Variants in AUTS2 observed in about 807,000 individuals in gnomAD.
AUTS2 encodes the protein activator of transcription and developmental regulator AUTS2.
In AUTS2, 17 loss-of-function variants were observed where a neutral mutation model predicts 112.4. The observed-to-expected ratio is 0.15, with a 90% CI of 0.10 to 0.23. AUTS2 has a LOEUF of 0.23. AUTS2 is among the 10% of genes least tolerant of loss of function. The pLI, the probability that AUTS2 is intolerant of heterozygous loss-of-function variation, is 1.00. For synonymous variants in AUTS2, 751 were observed against 702.7 expected (o/e 1.07, Z -1.09); for missense variants, 1,510 against 1,701.6 (o/e 0.89, Z 1.98).
chr7:70,142,038 A>G (rs1403660536), intron 4 of AUTS2, among the ~76,000 whole-genome samples: 1 of 152,216 alleles, frequency 6.6e-6, no homozygotes, highest in African/African-American at 2.4e-5. Flanking sequence ...AGTTGCAACC[A>G]ATAATTTTAA....
chr7:70,130,207 C>A (rs903444304), intron 3 of AUTS2, among the ~76,000 whole-genome samples: 6 of 152,134 alleles, frequency 3.9e-5, no homozygotes, highest in Non-Finnish European at 5.9e-5. Context: ...GGTCAGAACA[C>A]ACATTCTCAC....
At chr7:69,614,618 G>A (rs961439875) in intron 1 of AUTS2, among the ~76,000 whole-genome samples, 1 of 151,916 alleles carries the variant, frequency 6.6e-6, no homozygotes, top group African/African-American at 2.4e-5. Context: ...CCAGGTAGCT[G>A]GGACTGCAGG....
chr7:69,873,193 G>T (rs1793582049), intron 1 of AUTS2, among the ~76,000 whole-genome samples: 2 of 152,050 alleles, frequency 1.3e-5, no homozygotes, highest in Non-Finnish European at 2.9e-5. Flanking sequence ...AATGTTCCAG[G>T]ATTTATAAGT....
At chr7:69,997,961 C>T (rs892681381) in intron 2 of AUTS2, among the ~76,000 whole-genome samples, 1 of 152,162 alleles carries the variant, frequency 6.6e-6, no homozygotes, top group Non-Finnish European at 1.5e-5. Context: ...GCTTTGAATG[C>T]ATTGGAAAGC....
chr7:70,108,117 T>G (rs1317154824), intron 2 of AUTS2, among the ~76,000 whole-genome samples: 3 of 152,132 alleles, frequency 2.0e-5, no homozygotes, highest in Non-Finnish European at 2.9e-5. Flanking sequence ...ATAAGTTTAG[T>G]GACATATAGT....
intron 1 of AUTS2, among the ~76,000 whole-genome samples, chr7:69,821,721 A>C (rs1236017174): frequency 6.6e-6 from 1 of 151,942 alleles, no homozygotes; most frequent in Non-Finnish European, 1.5e-5. Context: ...TGTAACATTC[A>C]CCTTGACGTC....
chr7:70,413,750 T>A (rs73175910), intron 4 of AUTS2, among the ~76,000 whole-genome samples: 9,962 of 152,160 alleles, frequency 0.065, 376 homozygotes, highest in African/African-American at 0.11. Context: ...TGATCTCAGT[T>A]TACTGCAGCC....
chr7:70,468,940 G>GACCAAGTT (rs1797270257), intron 5 of AUTS2, among the ~76,000 whole-genome samples: 1 of 152,216 alleles, frequency 6.6e-6, no homozygotes, highest in Non-Finnish European at 1.5e-5. Context: ...TTGTTGAACT[G>GACCAAGTT]ACCAAGTTGA....
At chr7:70,263,601 A>G (rs759781149) in intron 4 of AUTS2, among the ~76,000 whole-genome samples, 9 of 152,178 alleles carry the variant, frequency 5.9e-5, no homozygotes, top group Non-Finnish European at 1.3e-4. Flanking sequence ...AAACTTTATT[A>G]CTTTGTGCTT....
chr7:69,710,176 A>G (rs1413540235), intron 1 of AUTS2, among the ~76,000 whole-genome samples: 2 of 152,080 alleles, frequency 1.3e-5, no homozygotes, highest in Non-Finnish European at 2.9e-5. Flanking sequence ...TATCTCTTGT[A>G]TATACTTTAC....
intron 4 of AUTS2, among the ~76,000 whole-genome samples, chr7:70,136,806 T>A (rs1237869938): frequency 6.6e-6 from 1 of 152,210 alleles, no homozygotes; most frequent in East Asian, 1.9e-4. Context: ...GAAGGCACTT[T>A]TAACAATCTA....
At chr7:70,369,834 TG>T (rs1298430180) in intron 4 of AUTS2, among the ~76,000 whole-genome samples, 8 of 152,158 alleles carry the variant, frequency 5.3e-5, no homozygotes, top group Admixed American at 5.2e-4. Context: ...CCATACGACT[TG>T]AATGACTTCC....
chr7:69,728,620 A>G (rs1439821208), intron 1 of AUTS2, among the ~76,000 whole-genome samples: 2 of 151,962 alleles, frequency 1.3e-5, no homozygotes, highest in East Asian at 3.9e-4. Context: ...AGTTACGCTC[A>G]AGTAATATGT....
rs371960690 is a variant in AUTS2 at position 70,745,993 on chromosome 7, AATT to A, written c.743-16871_743-16869del. ...TAAAGGAACTTGCTTAGATTTTGTA[AATT>A]ATTATGTGGTTAAAGAAATCAACGA... On this transcript the variant is annotated intron_variant, in intron 6 of 18. Transcript: ENST00000342771. 2.8e-4 allele frequency among the ~76,000 whole-genome samples: 42 copies of A among 152,218 alleles called. 1 individual carries two copies. In the South Asian group the frequency reaches 7.9e-3, roughly 29 times the overall value.
At chr7:70,600,035 A>G (rs192941555) in intron 5 of AUTS2, among the ~76,000 whole-genome samples, 51 of 152,264 alleles carry the variant, frequency 3.3e-4, no homozygotes, top group Admixed American at 3.1e-3. Context: ...CCTGAGCCCC[A>G]CCCACAGCTA....
intron 2 of AUTS2, among the ~76,000 whole-genome samples, chr7:69,948,731 T>G (rs534257100): frequency 6.6e-6 from 1 of 152,192 alleles, no homozygotes; most frequent in South Asian, 2.1e-4. Flanking sequence ...TGTGGTAAGA[T>G]GTGTTAATAG....
At chr7:69,685,970 G>A (rs2068718) in intron 1 of AUTS2, among the ~76,000 whole-genome samples, 11,550 of 152,096 alleles carry the variant, frequency 0.076, 592 homozygotes, top group African/African-American at 0.14. Context: ...CATGAAGGCC[G>A]TGTGGGTAAG....
chr7:70,351,777 CT>C (rs35789493), intron 4 of AUTS2, among the ~76,000 whole-genome samples: 43,930 of 151,662 alleles, frequency 0.29, 6,650 homozygotes, highest in African/African-American at 0.38. Context: ...TCTCGGCTTA[CT>C]GCAAACTCCG....
chr7:69,716,531 G>C (rs1198410991), intron 1 of AUTS2, among the ~76,000 whole-genome samples: 1 of 152,088 alleles, frequency 6.6e-6, no homozygotes, highest in Non-Finnish European at 1.5e-5. Context: ...CACTAGATGT[G>C]TGGTGGATTT....
Sources: allele counts gnomAD v4.1 joint callset (sites outside exome capture counted in the v4.1 genomes callset), GRCh38; gene constraint gnomAD v4.1.1; transcripts MANE v1.5; gene names NCBI Gene and HGNC (gene_info 2026-07-23, HGNC 2026-07-21).